Variants in DMD observed in about 807,000 individuals in gnomAD.
The protein encoded by DMD is mutant dystrophin.
In DMD, 63 loss-of-function variants were observed where a neutral mutation model predicts 330.1. That is an observed-to-expected ratio of 0.19 (90% CI 0.16 to 0.24). The LOEUF is 0.24. Among genes scored for constraint, DMD ranks in the 10% least tolerant of loss-of-function variants. The pLI, the probability that DMD is intolerant of heterozygous loss-of-function variation, is 1.00. For missense variants in DMD, 3,344 were observed against 2,684.1 expected (o/e 1.25, Z -5.43); for synonymous variants, 1,223 against 959.8 (o/e 1.27, Z -5.07).
At chrX:33,070,896 C>T (rs1288777970) in intron 1 of DMD, among the ~76,000 whole-genome samples, 5 of 107,830 alleles carry the variant, frequency 4.6e-5, no homozygotes, top group South Asian at 4.2e-4. Flanking sequence ...AATGAATAGA[C>T]CAGTGAATGA....
At position 32,855,573 on chromosome X, in the gene DMD, C is replaced by G. The variant is rs1420100183; in HGVS notation, c.94-5753G>C. 2.7e-5 allele frequency among the ~76,000 whole-genome samples: 3 copies of G among 111,680 alleles called. No individual in the cohort carries two copies. In the East Asian group the frequency reaches 8.4e-4, roughly 31 times the overall value. On this transcript the variant is annotated intron_variant, in intron 2 of 78. Coordinates refer to ENST00000357033, the MANE Select transcript of DMD (RefSeq NM_004006.3). ...GAACATACACTGAAGAAAAGACCATCTTTTCAATAAATGGTGCTGAGAAAA... is the reference window on the plus strand; with the variant it reads ...GAACATACACTGAAGAAAAGACCATGTTTTCAATAAATGGTGCTGAGAAAA...
intron 67 of DMD, among the ~76,000 whole-genome samples, chrX:31,187,641 A>C (rs142881813): frequency 1.2e-3 from 130 of 109,249 alleles, no homozygotes; most frequent in African/African-American, 4.1e-3. Context: ...TTCTTAGAGC[A>C]CGTTAACATA....
chrX:31,626,890 T>C (rs974231637), intron 55 of DMD, among the ~76,000 whole-genome samples: 2 of 111,878 alleles, frequency 1.8e-5, no homozygotes, highest in Non-Finnish European at 3.8e-5. Context: ...TATATCCAAA[T>C]TGTATTTGAG....
rs181133283 is a variant in DMD, at chrX:33,277,008, T to C, written c.7+62251A>G. 3.9e-3 allele frequency among the ~76,000 whole-genome samples: 438 copies of C among 112,169 alleles called. 1 individual carries two copies. Among genetic ancestry groups the C allele is most frequent in the Non-Finnish European group, 5.5e-3 (294 of 53,265 alleles). The stretch of plus-strand genomic sequence containing the variant: ...TTGTGTGTGTATGTGTGTGTGTATA[T>C]ATAGTTATACTCAATTTTACCACAT... On this transcript the variant is annotated intron_variant, in intron 1 of 17. Coordinates refer to the DMD transcript ENST00000288447.
intron 41 of DMD, among the ~76,000 whole-genome samples, chrX:32,340,564 T>C (rs2097736480): frequency 9.0e-6 from 1 of 111,618 alleles, no homozygotes; most frequent in Non-Finnish European, 1.9e-5. Context: ...TTGATTAGTT[T>C]GTAACGAATT....
chrX:32,261,496 G>T (rs2097323292), intron 43 of DMD, among the ~76,000 whole-genome samples: 1 of 112,094 alleles, frequency 8.9e-6, no homozygotes, highest in Admixed American at 9.5e-5. Context: ...AAGAAATAAT[G>T]GTGGTATGTT....
At chrX:31,292,969 G>T (rs1007372041) in intron 62 of DMD, among the ~76,000 whole-genome samples, 1 of 110,977 alleles carries the variant, frequency 9.0e-6, no homozygotes. Context: ...GATTGGGAGA[G>T]GGAATGTGGG....
chrX:32,287,301 T>C (rs1050401558), intron 43 of DMD, among the ~76,000 whole-genome samples: 3 of 111,909 alleles, frequency 2.7e-5, no homozygotes, highest in Admixed American at 9.5e-5. Flanking sequence ...TTAGAAGATA[T>C]AATGCTTCAA....
chrX:32,761,203 C>A (rs1408435354), intron 7 of DMD, among the ~76,000 whole-genome samples: 1 of 111,820 alleles, frequency 8.9e-6, no homozygotes, highest in Non-Finnish European at 1.9e-5. Flanking sequence ...ATAAACCCAC[C>A]TGGCCTATCC....
At chrX:32,590,637 C>A (rs919383279) in intron 13 of DMD, among the ~76,000 whole-genome samples, 1 of 111,921 alleles carries the variant, frequency 8.9e-6, no homozygotes, top group Admixed American at 9.5e-5. Context: ...TTGGCTTCCT[C>A]TCCTCCTGCC....
chrX:32,247,084 A>G (rs745535563), intron 43 of DMD, among the ~76,000 whole-genome samples: 1 of 112,077 alleles, frequency 8.9e-6, no homozygotes, highest in African/African-American at 3.2e-5. Context: ...CGATTGTCAA[A>G]GAAAGAGGTA....
intron 41 of DMD, among the ~76,000 whole-genome samples, chrX:32,322,180 T>C (rs2097620109): frequency 9.0e-6 from 1 of 111,651 alleles, no homozygotes; most frequent in Non-Finnish European, 1.9e-5. Flanking sequence ...GGAAGATTTG[T>C]AATAATTAAA....
At chrX:32,847,364 C>CT (rs1299286415) in intron 3 of DMD, among the ~76,000 whole-genome samples, 1 of 111,830 alleles carries the variant, frequency 8.9e-6, no homozygotes, top group African/African-American at 3.2e-5. Flanking sequence ...GGGAGTATTT[C>CT]TTATTTTATG....
intron 44 of DMD, among the ~76,000 whole-genome samples, chrX:31,999,227 T>C (rs752369137): frequency 8.9e-6 from 1 of 111,937 alleles, no homozygotes; most frequent in South Asian, 3.7e-4. Flanking sequence ...TTACTTGAAA[T>C]TTATAATACC....
At chrX:32,404,400 T>C (rs1302803581) in intron 30 of DMD, among the ~76,000 whole-genome samples, 1 of 111,476 alleles carries the variant, frequency 9.0e-6, no homozygotes, top group East Asian at 2.8e-4. Flanking sequence ...TCTTTGAAGG[T>C]AATTTGTTTC....
chrX:32,767,716 A>G (rs1000678756), intron 7 of DMD, among the ~76,000 whole-genome samples: 1 of 111,999 alleles, frequency 8.9e-6, no homozygotes, highest in African/African-American at 3.2e-5. Context: ...TGTAAGGATT[A>G]TAACTAGTCT....
At chrX:31,667,472 G>A (rs1386887337) in intron 53 of DMD, among the ~76,000 whole-genome samples, 1 of 110,251 alleles carries the variant, frequency 9.1e-6, no homozygotes, top group African/African-American at 3.3e-5. Context: ...TTGTCATATG[G>A]TAGCTTCATG....
intron 2 of DMD, among the ~76,000 whole-genome samples, chrX:32,872,072 G>A (rs767275802): frequency 9.0e-6 from 1 of 111,430 alleles, no homozygotes; most frequent in East Asian, 2.8e-4. Context: ...CGTTGGTGGT[G>A]ACATGGGGAT....
At chrX:31,483,264 T>G (rs757374311) in intron 57 of DMD, among the ~76,000 whole-genome samples, 50 of 109,256 alleles carry the variant, frequency 4.6e-4, no homozygotes, top group African/African-American at 1.3e-3. Flanking sequence ...GCCAGGATGG[T>G]CTCCATCTCC....
Sources: allele counts gnomAD v4.1 joint callset (sites outside exome capture counted in the v4.1 genomes callset), GRCh38; gene constraint gnomAD v4.1.1; transcripts MANE v1.5; gene names NCBI Gene and HGNC (gene_info 2026-07-23, HGNC 2026-07-21).